APIP: variants seen among roughly 807,000 people sequenced by gnomAD.
The protein encoded by APIP is methylthioribulose-1-phosphate dehydratase.
In APIP, 32 loss-of-function variants were observed where a neutral mutation model predicts 32.0. That is an observed-to-expected ratio of 1.00 (90% confidence interval 0.76 to 1.34). The LOEUF is 1.34. Among genes scored for constraint, APIP ranks in the 40% most tolerant of loss-of-function variants. The pLI is 0.00. For synonymous variants in APIP, 92 were observed against 94.8 expected, an observed-to-expected ratio of 0.97 and a Z score of 0.17; for missense variants, 247 against 298.6, an observed-to-expected ratio of 0.83 and a Z score of 1.27.
At chr11:34,884,083 T>C (rs1457238228) in intron 5 of APIP, among the ~76,000 whole-genome samples, 1 of 152,206 alleles carries the variant, frequency 6.6e-6, no homozygotes, top group Non-Finnish European at 1.5e-5. Context: ...GAACTTCTTT[T>C]ACTTCCACTG....
intron 1 of APIP, among the ~76,000 whole-genome samples, chr11:34,897,565 GTT>G (rs61026220): frequency 1.4e-5 from 2 of 148,106 alleles, no homozygotes; most frequent in South Asian, 2.1e-4. Context: ...GCTTAGTAAG[GTT>G]TTTTTTTTTC....
intron 1 of APIP, among the ~76,000 whole-genome samples, chr11:34,910,337 T>C (rs1183189370): frequency 6.6e-6 from 1 of 152,228 alleles, no homozygotes; most frequent in African/African-American, 2.4e-5. Context: ...CTCACTTTCA[T>C]TTAGAAGTAA....
intron 1 of APIP, among the ~76,000 whole-genome samples, chr11:34,905,970 C>CCATTTGTCAGGTGGACGCTTCTCACTTGA (rs1853444827): frequency 6.6e-6 from 1 of 152,174 alleles, no homozygotes; most frequent in Non-Finnish European, 1.5e-5. Flanking sequence ...TTTCGAAACT[C>CCATTTGTCAGGTGGACGCTTCTCACTTGA]CATTTGTCAG....
intron 1 of APIP, chr11:34,915,728 A>G (rs948059845): frequency 2.4e-5 from 4 of 164,576 alleles, no homozygotes; most frequent in Admixed American, 1.3e-4. Flanking sequence ...CTAAACGGAG[A>G]TAGGCAAGGA....
intron 1 of APIP, among the ~76,000 whole-genome samples, chr11:34,907,712 A>C (rs1406401148): frequency 2.6e-5 from 4 of 152,210 alleles, no homozygotes; most frequent in Non-Finnish European, 4.4e-5. Flanking sequence ...TCTGGTTTTC[A>C]GTTATAATAA....
chr11:34,910,392 T>G (rs557999702), intron 1 of APIP, among the ~76,000 whole-genome samples: 1 of 152,196 alleles, frequency 6.6e-6, no homozygotes, highest in Admixed American at 6.5e-5. Flanking sequence ...TTCAATAGTG[T>G]TGCTATAAAG....
intron 6 of APIP, 22 bp downstream of exon 6, chr11:34,883,315 A>G (rs1055053545): frequency 1.3e-6 from 2 of 1,574,820 alleles, no homozygotes; most frequent in East Asian, 2.3e-5. Context: ...CTTGTTCCCC[A>G]TGTTCTCTGA....
chr11:34,904,367 A>G (rs1315914080), intron 1 of APIP, among the ~76,000 whole-genome samples: 3 of 152,218 alleles, frequency 2.0e-5, no homozygotes, highest in Non-Finnish European at 4.4e-5. Flanking sequence ...TTCTCAGGAA[A>G]GGTGGAGAAA....
intron 1 of APIP, among the ~76,000 whole-genome samples, chr11:34,905,098 C>A (rs556677176): frequency 1.3e-5 from 2 of 152,332 alleles, no homozygotes; most frequent in East Asian, 3.9e-4. Context: ...TGCTGTAGCA[C>A]CCTCAGGGTG....
At chr11:34,915,925 C>G in intron 1 of APIP, 1 of 490,940 alleles carries the variant, frequency 2.0e-6, no homozygotes, top group Non-Finnish European at 3.6e-6. Context: ...GCCTGCCTTC[C>G]TGATAAATAC....
At chr11:34,914,516 TC>T in intron 1 of APIP, among the ~76,000 whole-genome samples, 1 of 152,184 alleles carries the variant, frequency 6.6e-6, no homozygotes. Flanking sequence ...AATACAAATA[TC>T]TAGAGGGGCT....
intron 1 of APIP, among the ~76,000 whole-genome samples, chr11:34,901,697 A>G (rs1853373121): frequency 6.6e-6 from 1 of 152,172 alleles, no homozygotes; most frequent in Non-Finnish European, 1.5e-5. Flanking sequence ...TTAGGAAGAG[A>G]TAGTCTAGCT....
intron 1 of APIP, 33 bp from the exon 2 acceptor site, chr11:34,895,143 C>T (rs1187167497): frequency 6.4e-6 from 10 of 1,564,840 alleles, no homozygotes; most frequent in South Asian, 1.1e-5. Context: ...TTAAAACAGA[C>T]ATCATTTTAT....
chr11:34,913,404 G>C (rs942492513), intron 1 of APIP, among the ~76,000 whole-genome samples: 3 of 152,112 alleles, frequency 2.0e-5, no homozygotes, highest in African/African-American at 4.8e-5. Flanking sequence ...TGTTCGTTCA[G>C]ATGTTCAGAG....
intron 1 of APIP, among the ~76,000 whole-genome samples, chr11:34,898,114 C>T (rs747552181): frequency 1.3e-5 from 2 of 152,144 alleles, no homozygotes; most frequent in Non-Finnish European, 2.9e-5. Context: ...AGAGCCATAT[C>T]ATTTTGGTGT....
At chr11:34,884,108 A>G (rs1853017297) in intron 5 of APIP, among the ~76,000 whole-genome samples, 1 of 152,210 alleles carries the variant, frequency 6.6e-6, no homozygotes, top group Non-Finnish European at 1.5e-5. Context: ...CTCAGGAAAT[A>G]CATGTGATGA....
intron 1 of APIP, among the ~76,000 whole-genome samples, chr11:34,913,003 T>C (rs933826538): frequency 6.6e-6 from 1 of 152,122 alleles, no homozygotes; most frequent in Admixed American, 6.5e-5. Flanking sequence ...CAGGCCCCAA[T>C]CACTAGATCA....
chr11:34,894,864 A>G, intron 2 of APIP, 146 bp downstream of exon 2: 1 of 695,230 alleles, frequency 1.4e-6, no homozygotes, highest in South Asian at 2.0e-5. Context: ...TCAGTTACAC[A>G]AATGTCCACT....
chr11:34,895,238 A>G (rs1326942), intron 1 of APIP, 128 bp from the exon 2 acceptor site: 499,899 of 763,798 alleles, frequency 0.65, 165,864 homozygotes, highest in East Asian at 0.73. Context: ...AGTACAGTGA[A>G]GGAAAAAACT....
Sources: gnomAD v4.1 joint callset for allele counts (sites outside exome capture counted in the v4.1 genomes callset) on GRCh38, gnomAD v4.1.1 for gene constraint, MANE v1.5 for transcripts, NCBI Gene and HGNC (gene_info 2026-07-23, HGNC 2026-07-21) for gene names.